Variants in TWSG1 observed in about 807,000 individuals in gnomAD.
The protein encoded by TWSG1 is twisted gastrulation protein homolog 1.
TWSG1 carries 15 observed loss-of-function variants against 23.0 expected under a neutral mutation model. That is an observed-to-expected ratio of 0.65 (90% CI 0.44 to 1.00). TWSG1 has a LOEUF of 1.00. TWSG1 is among the 50% of genes least tolerant of loss of function. The pLI is 0.00. For missense variants in TWSG1, 242 were observed against 278.7 expected (o/e 0.87, Z 0.94); for synonymous variants, 86 against 92.8 (o/e 0.93, Z 0.42).
chr18:9,349,406 T>G (rs1023833052), intron 2 of TWSG1, among the ~76,000 whole-genome samples: 2 of 152,182 alleles, frequency 1.3e-5, no homozygotes, highest in Non-Finnish European at 2.9e-5. Context: ...AGATAATGCA[T>G]CATTTTAGTA....
At chr18:9,339,543 A>G (rs986873300) in intron 2 of TWSG1, among the ~76,000 whole-genome samples, 1 of 152,034 alleles carries the variant, frequency 6.6e-6, no homozygotes, top group Non-Finnish European at 1.5e-5. Context: ...GCTGGTCTCA[A>G]CCTTCTGAGC....
At chr18:9,352,787 C>T (rs1201848324) in intron 2 of TWSG1, among the ~76,000 whole-genome samples, 2 of 152,118 alleles carry the variant, frequency 1.3e-5, no homozygotes, top group African/African-American at 4.8e-5. Context: ...GTTTCCATTT[C>T]TGGCCTAGAA....
At chr18:9,335,122 T>G (rs1360309231) in intron 1 of TWSG1, among the ~76,000 whole-genome samples, 3 of 152,082 alleles carry the variant, frequency 2.0e-5, no homozygotes, top group African/African-American at 7.2e-5. Flanking sequence ...GCCAGCAGCA[T>G]CTCTGCGCCG....
Position 9,357,164 on chromosome 18 carries a change from C to T in TWSG1, c.124-2808C>T, listed in dbSNP as rs561124889. 4.9e-4 allele frequency among the ~76,000 whole-genome samples: 75 copies of T among 152,154 alleles called. 1 individual carries two copies. The highest frequency in any genetic ancestry group is 1.9e-4 in the Non-Finnish European group (13 of 68,022). ...GTTTTGTGATGAAACAGCTATACTT[C>T]TCATTAAGTCTCTGCCCTTTCAGTC... On this transcript the variant is annotated intron_variant, in intron 2 of 4. Transcript: ENST00000262120.
intron 2 of TWSG1, among the ~76,000 whole-genome samples, chr18:9,340,512 T>C (rs1202345489): frequency 6.6e-6 from 1 of 152,122 alleles, no homozygotes; most frequent in African/African-American, 2.4e-5. Flanking sequence ...ACTCCCAAAC[T>C]CTAGCAGATT....
intron 3 of TWSG1, among the ~76,000 whole-genome samples, chr18:9,373,945 C>A (rs1351562736): frequency 6.6e-6 from 1 of 152,182 alleles, no homozygotes; most frequent in Non-Finnish European, 1.5e-5. Flanking sequence ...AAGCAACACA[C>A]TTCTAAACAC....
At chr18:9,377,878 C>T (rs1435812627) in intron 3 of TWSG1, among the ~76,000 whole-genome samples, 2 of 152,138 alleles carry the variant, frequency 1.3e-5, no homozygotes, top group Non-Finnish European at 2.9e-5. Flanking sequence ...GCCACCACGC[C>T]TGGCTAATTC....
intron 3 of TWSG1, among the ~76,000 whole-genome samples, chr18:9,373,944 A>G (rs921277436): frequency 6.6e-6 from 1 of 152,226 alleles, no homozygotes; most frequent in African/African-American, 2.4e-5. Context: ...TAAGCAACAC[A>G]CTTCTAAACA....
chr18:9,367,078 T>A (rs1351601348), intron 3 of TWSG1, among the ~76,000 whole-genome samples: 1 of 152,094 alleles, frequency 6.6e-6, no homozygotes, highest in Non-Finnish European at 1.5e-5. Flanking sequence ...TAGCTGGCAC[T>A]ATGCTACCAC....
intron 2 of TWSG1, among the ~76,000 whole-genome samples, chr18:9,337,809 T>C (rs1456147037): frequency 6.6e-6 from 1 of 152,236 alleles, no homozygotes; most frequent in Non-Finnish European, 1.5e-5. Flanking sequence ...TATTATTTCA[T>C]GCAGTTTCTG....
chr18:9,348,393 G>C (rs1265901023), intron 2 of TWSG1, among the ~76,000 whole-genome samples: 1 of 152,138 alleles, frequency 6.6e-6, no homozygotes, highest in Non-Finnish European at 1.5e-5. Flanking sequence ...GCCAGTGATT[G>C]TTAACTGGGG....
At chr18:9,360,514 C>T (rs1015428092) in intron 3 of TWSG1, among the ~76,000 whole-genome samples, 1 of 152,162 alleles carries the variant, frequency 6.6e-6, no homozygotes, top group Non-Finnish European at 1.5e-5. Context: ...GAAGAAACAC[C>T]TGTCAGCCCT....
At chr18:9,382,956 A>G (rs967955900) in intron 3 of TWSG1, among the ~76,000 whole-genome samples, 3 of 152,168 alleles carry the variant, frequency 2.0e-5, no homozygotes, top group African/African-American at 7.2e-5. Flanking sequence ...GAGGTGAACC[A>G]CTTAATATCA....
Position 9,338,259 on chromosome 18 carries a change from T to C in TWSG1, c.123+907T>C, listed in dbSNP as rs538464454. ...ACATTTTGGTCCTTCTCGCTAATAG[T>C]TGGAATTCTACTTGCCCCCATTTCG... On this transcript the variant is annotated intron_variant, in intron 2 of 4. Coordinates refer to ENST00000262120, the MANE Select transcript of TWSG1 (RefSeq NM_020648.6). 3.3e-5 allele frequency among the ~76,000 whole-genome samples: 5 copies of C among 152,350 alleles called. No individual in the cohort carries two copies. The East Asian group carries it at 7.7e-4, about 23-fold the overall frequency.
intron 2 of TWSG1, among the ~76,000 whole-genome samples, chr18:9,338,617 T>C (rs897396874): frequency 3.9e-5 from 6 of 152,254 alleles, no homozygotes; most frequent in African/African-American, 1.4e-4. Context: ...TTAACACTAA[T>C]TCTTTAATCA....
chr18:9,385,342 T>G (rs1019689178), intron 3 of TWSG1, among the ~76,000 whole-genome samples: 2 of 152,304 alleles, frequency 1.3e-5, no homozygotes, highest in Non-Finnish European at 2.9e-5. Context: ...GGAGGGAAGG[T>G]GTCTCCAGCC....
At chr18:9,386,619 A>G (rs2040686165) in intron 3 of TWSG1, among the ~76,000 whole-genome samples, 1 of 152,048 alleles carries the variant, frequency 6.6e-6, no homozygotes, top group South Asian at 2.1e-4. Context: ...AAATTATCGA[A>G]TAGTAGAAGA....
chr18:9,337,545 A>G (rs1374261774), intron 2 of TWSG1, among the ~76,000 whole-genome samples, 193 bp downstream of exon 2: 1 of 152,232 alleles, frequency 6.6e-6, no homozygotes, highest in Admixed American at 6.5e-5. Flanking sequence ...AGGCAAGGTT[A>G]GATTCAAGAA....
At chr18:9,383,229 C>T (rs1451545998) in intron 3 of TWSG1, among the ~76,000 whole-genome samples, 2 of 130,166 alleles carry the variant, frequency 1.5e-5, no homozygotes, top group East Asian at 4.7e-4. Context: ...GAGTCTTGCT[C>T]TGTCACCCAG....
Sources: allele counts gnomAD v4.1 joint callset (sites outside exome capture counted in the v4.1 genomes callset), GRCh38; gene constraint gnomAD v4.1.1; transcripts MANE v1.5; gene names NCBI Gene and HGNC (gene_info 2026-07-23, HGNC 2026-07-21).